Variants in DOCK4 observed in about 807,000 individuals in gnomAD.
DOCK4 encodes the protein dedicator of cytokinesis protein 4.
In DOCK4, 97 loss-of-function variants were observed where a neutral mutation model predicts 268.1. The observed-to-expected ratio is 0.36, with a 90% CI of 0.31 to 0.43. DOCK4 has a LOEUF of 0.43. DOCK4 is among the 20% of genes least tolerant of loss of function. The pLI is 1.00. For missense variants in DOCK4, 2,145 were observed against 2,455.7 expected (o/e 0.87, Z 2.67); for synonymous variants, 954 against 887.2 (o/e 1.08, Z -1.34).
chr7:111,735,150 T>C lies in DOCK4; in HGVS notation c.5323A>G (p.Ser1775Gly). The C allele has an allele frequency of 6.3e-7, 1 of 1,591,510 alleles. No homozygotes were observed. The highest frequency in any genetic ancestry group is 8.6e-7 in the Non-Finnish European group (1 of 1,168,346). Residue 1775 changes from serine to glycine, a missense_variant, in exon 51 of 53, where the codon AGC becomes GGC. Transcript: ENST00000428084. ...APEKAVNPTP[S>G]SWSLDSGKEA... ...TTCCCACTGTCCAGGCTCCAGCTGCTAGGGGTGGGGTTCACAGCTGGAAGG... is the reference window on the plus strand; with the variant it reads ...TTCCCACTGTCCAGGCTCCAGCTGCCAGGGGTGGGGTTCACAGCTGGAAGG...
chr7:111,833,456 A>G (rs1452608145), intron 26 of DOCK4, among the ~76,000 whole-genome samples: 1 of 151,916 alleles, frequency 6.6e-6, no homozygotes, highest in Non-Finnish European at 1.5e-5. Flanking sequence ...AGGCAGGAGG[A>G]TTGTCTGAGC....
chr7:112,140,018 T>C (rs1048880774), intron 1 of DOCK4, among the ~76,000 whole-genome samples: 1 of 152,088 alleles, frequency 6.6e-6, no homozygotes, highest in Non-Finnish European at 1.5e-5. Flanking sequence ...ACAGTTAAGA[T>C]GAGGAAAAAG....
At chr7:111,979,646 A>C (rs1798459711) in intron 7 of DOCK4, among the ~76,000 whole-genome samples, 1 of 152,204 alleles carries the variant, frequency 6.6e-6, no homozygotes, top group Non-Finnish European at 1.5e-5. Context: ...GTAACAGAGC[A>C]CAAGCTACTA....
intron 1 of DOCK4, among the ~76,000 whole-genome samples, chr7:112,147,227 T>G (rs1056384344): frequency 6.6e-6 from 1 of 152,162 alleles, no homozygotes; most frequent in Non-Finnish European, 1.5e-5. Context: ...AATTATTGGG[T>G]TTTTAGAGAC....
chr7:112,116,489 C>G (rs1393738113), intron 1 of DOCK4, among the ~76,000 whole-genome samples: 1 of 152,110 alleles, frequency 6.6e-6, no homozygotes, highest in Non-Finnish European at 1.5e-5. Flanking sequence ...ACTGCCAGCC[C>G]CAGCATCCCT....
intron 1 of DOCK4, among the ~76,000 whole-genome samples, chr7:112,130,497 G>A (rs1198498485): frequency 6.6e-6 from 1 of 152,162 alleles, no homozygotes; most frequent in African/African-American, 2.4e-5. Context: ...ATAATGTGAT[G>A]CTTTTGTCAG....
chr7:112,055,812 G>A (rs1805763555), intron 1 of DOCK4, among the ~76,000 whole-genome samples: 1 of 151,904 alleles, frequency 6.6e-6, no homozygotes, highest in Non-Finnish European at 1.5e-5. Context: ...GAAGGCCAAG[G>A]CAGGAGAATT....
chr7:111,786,067 T>C (rs1799143456), intron 32 of DOCK4, among the ~76,000 whole-genome samples: 1 of 152,020 alleles, frequency 6.6e-6, no homozygotes, highest in Non-Finnish European at 1.5e-5. Context: ...ATCCAAAGAG[T>C]AGAGTTAGAG....
rs2135356785 is a variant in DOCK4, at chr7:112,010,694, T to C, written c.38-6563A>G. 2.6e-5 allele frequency among the ~76,000 whole-genome samples: 4 copies of C among 152,308 alleles called. No homozygotes were observed. The South Asian group carries it at 8.3e-4, about 32-fold the overall frequency. ...CTAAGAGGCACAAATATATGCACAC[T>C]CAAAAGCAGGACTGCATTCTTATGC... On this transcript the variant is annotated intron_variant, in intron 1 of 52. Transcript: ENST00000428084.
chr7:111,758,313 A>G (rs1797171840), intron 41 of DOCK4, among the ~76,000 whole-genome samples: 1 of 152,234 alleles, frequency 6.6e-6, no homozygotes, highest in African/African-American at 2.4e-5. Context: ...GACTTCAGCC[A>G]GGAGTTCTCA....
chr7:111,969,479 T>C (rs1797526025), intron 8 of DOCK4, among the ~76,000 whole-genome samples: 1 of 151,314 alleles, frequency 6.6e-6, no homozygotes, highest in Non-Finnish European at 1.5e-5. Flanking sequence ...TCCTGTCACA[T>C]ATGTCTGAAG....
At chr7:112,124,724 T>C (rs1166131489) in intron 1 of DOCK4, among the ~76,000 whole-genome samples, 4 of 152,216 alleles carry the variant, frequency 2.6e-5, no homozygotes, top group Admixed American at 6.5e-5. Flanking sequence ...TCTAGCGCAG[T>C]GCCTGGCCCA....
intron 1 of DOCK4, among the ~76,000 whole-genome samples, chr7:112,162,534 T>C (rs61538843): frequency 2.1e-5 from 3 of 140,648 alleles, no homozygotes; most frequent in African/African-American, 5.9e-5. Flanking sequence ...TCTCTCTCTC[T>C]CTCCCCCCTC....
Position 112,140,160 on chromosome 7 carries a change from G to T in DOCK4, c.37+65942C>A, listed in dbSNP as rs1343252312. On this transcript the variant is annotated intron_variant, in intron 1 of 52. Transcript: ENST00000428084. ...TAGTCCGAGAATAAAAACACAGCGG[G>T]AATTACCCCATGAAAAACCAAGGAT... Among the ~76,000 whole-genome samples, 3 of 151,888 alleles carry T rather than the reference G, an allele frequency of 2.0e-5. No homozygotes were observed. In the East Asian group the frequency reaches 5.8e-4, roughly 29 times the overall value.
At chr7:111,928,198 C>T (rs1404730161) in intron 12 of DOCK4, among the ~76,000 whole-genome samples, 1 of 152,142 alleles carries the variant, frequency 6.6e-6, no homozygotes, top group Non-Finnish European at 1.5e-5. Context: ...ATCCATGAAC[C>T]TAGGATACAT....
At chr7:111,963,092 G>A (rs183187884) in intron 8 of DOCK4, among the ~76,000 whole-genome samples, 31 of 152,300 alleles carry the variant, frequency 2.0e-4, no homozygotes, top group Admixed American at 9.1e-4. Flanking sequence ...AACCGATGAA[G>A]CCCTAGAGTA....
intron 1 of DOCK4, among the ~76,000 whole-genome samples, chr7:112,098,063 A>C (rs1810312514): frequency 6.6e-6 from 1 of 152,238 alleles, no homozygotes; most frequent in African/African-American, 2.4e-5. Context: ...GTGAGTAAAC[A>C]CTGAAATGAA....
intron 23 of DOCK4, among the ~76,000 whole-genome samples, chr7:111,847,454 C>A (rs116718542): frequency 5.3e-5 from 8 of 151,478 alleles, no homozygotes; most frequent in Admixed American, 4.6e-4. Flanking sequence ...CTTTCTACTA[C>A]GGTAGAAGAG....
At chr7:112,000,664 G>A (rs1368357395) in intron 2 of DOCK4, 130 bp from the exon 3 acceptor site, 2 of 581,476 alleles carry the variant, frequency 3.4e-6, no homozygotes, top group Non-Finnish European at 5.7e-6. Context: ...AAATATGGTA[G>A]GTATTGGCCT....
Sources: gnomAD v4.1 joint callset for allele counts (sites outside exome capture counted in the v4.1 genomes callset) on GRCh38, gnomAD v4.1.1 for gene constraint, MANE v1.5 for transcripts, NCBI Gene and HGNC (gene_info 2026-07-23, HGNC 2026-07-21) for gene names.